Variants in CAST observed in about 807,000 individuals in gnomAD.
CAST encodes the protein MIR583 host.
Under a neutral mutation model 119.6 loss-of-function variants are expected in CAST, and 76 were observed. The observed-to-expected ratio is 0.64, with a 90% confidence interval of 0.53 to 0.77. The LOEUF (loss-of-function observed/expected upper bound fraction) is 0.77. CAST is among the 30% of genes least tolerant of loss of function. CAST has a pLI of 0.00. For missense variants in CAST, 953 were observed against 946.5 expected (o/e 1.01, Z -0.09); for synonymous variants, 319 against 331.6 (o/e 0.96, Z 0.41).
the CAST span, among the ~76,000 whole-genome samples, chr5:96,097,329 CTT>C: frequency 3.9e-3 from 533 of 137,270 alleles, 2 homozygotes; most frequent in African/African-American, 5.1e-3. Context: ...AGCTCAAAGT[CTT>C]TTTTTTTTTT....
intron 20 of CAST, among the ~76,000 whole-genome samples, chr5:96,752,855 C>G (rs1013613382): frequency 2.6e-5 from 4 of 151,468 alleles, no homozygotes. Flanking sequence ...TTTGTTTGAC[C>G]AAGACCAACA....
the CAST span, among the ~76,000 whole-genome samples, chr5:96,104,042 G>A: frequency 3.9e-5 from 6 of 152,190 alleles, no homozygotes; most frequent in African/African-American, 1.4e-4. Context: ...CTTTTGAGAA[G>A]TGTCTGTTCA....
At chr5:96,239,458 G>A in the CAST span, among the ~76,000 whole-genome samples, 1 of 151,922 alleles carries the variant, frequency 6.6e-6, no homozygotes, top group Admixed American at 6.6e-5. Flanking sequence ...GGCTTTTTTG[G>A]GGGGAGTATA....
the CAST span, among the ~76,000 whole-genome samples, chr5:96,378,711 G>C: frequency 3.4e-3 from 514 of 152,038 alleles, 1 homozygote; most frequent in Middle Eastern, 0.01. Context: ...ACTGCAAATT[G>C]CCGTAAAGAA....
At chr5:96,737,166 T>C (rs761903849) in intron 10 of CAST, among the ~76,000 whole-genome samples, 5 of 152,146 alleles carry the variant, frequency 3.3e-5, no homozygotes, top group Admixed American at 6.5e-5. Context: ...GGGATTACAA[T>C]TGGAGTTGAG....
At position 96,754,132 on chromosome 5, in the gene CAST, G is replaced by A. The variant is rs200645589; in HGVS notation, c.1597G>A (p.Asp533Asn). 34 of 1,612,738 alleles carry A rather than the reference G, an allele frequency of 2.1e-5. No homozygotes were observed. Among genetic ancestry groups the A allele is most frequent in the Non-Finnish European group, 2.7e-5 (32 of 1,178,820 alleles). ...GGGGAAAAAGGAAGCAGATCCAGAA[G>A]ATGGAAAACCTGTGATGGATAAAGT... ...SLGKKEADPE[D>N]GKPVMDKVKE... is the part of the protein sequence containing the mutation. Residue 533 changes from aspartate to asparagine, a missense_variant, in exon 21 of 32, where the codon GAT becomes AAT. Transcript: ENST00000675179.
the CAST span, among the ~76,000 whole-genome samples, chr5:95,977,951 C>A: frequency 3.3e-5 from 5 of 151,854 alleles, no homozygotes; most frequent in African/African-American, 1.2e-4. Flanking sequence ...CCAGCTCCAT[C>A]CATGTTCCTG....
intron 29 of CAST, chr5:96,769,493 T>C (rs1192480130): frequency 1.3e-5 from 2 of 151,810 alleles, no homozygotes; most frequent in Admixed American, 6.6e-5. Context: ...ATATTTGAGG[T>C]TTACAACATG....
the CAST span, among the ~76,000 whole-genome samples, chr5:96,497,991 T>A: frequency 1.3e-5 from 2 of 152,254 alleles, no homozygotes; most frequent in Admixed American, 1.3e-4. Flanking sequence ...TTTTATGATT[T>A]TAGGTCTAAC....
the CAST span, among the ~76,000 whole-genome samples, chr5:96,098,081 G>A: frequency 6.6e-6 from 1 of 152,142 alleles, no homozygotes; most frequent in Non-Finnish European, 1.5e-5. Context: ...CTAATGATCA[G>A]TAATTTGAGC....
the CAST span, among the ~76,000 whole-genome samples, chr5:96,375,257 T>C: frequency 2.0e-5 from 3 of 152,206 alleles, no homozygotes; most frequent in Non-Finnish European, 4.4e-5. Context: ...GAAGTTGTTT[T>C]CTTGCTTAAA....
At chr5:96,622,148 T>G (rs754855692) in intron 1 of CAST, among the ~76,000 whole-genome samples, 8 of 151,842 alleles carry the variant, frequency 5.3e-5, no homozygotes, top group Non-Finnish European at 8.8e-5. Context: ...TTTTGTATTT[T>G]TAGTAGAGAC....
intron 1 of CAST, among the ~76,000 whole-genome samples, chr5:96,630,616 G>A (rs1219210727): frequency 7.2e-5 from 11 of 151,878 alleles, no homozygotes; most frequent in East Asian, 3.9e-4. Flanking sequence ...GTGAAACCTC[G>A]TCTCTACTAA....
At chr5:96,542,138 G>A (rs978826024) in intron 1 of CAST, among the ~76,000 whole-genome samples, 5 of 151,972 alleles carry the variant, frequency 3.3e-5, no homozygotes, top group African/African-American at 7.3e-5. Flanking sequence ...GTGAAACCCC[G>A]TCTCTACTAA....
chr5:96,667,863 A>G (rs1375542022), intron 1 of CAST, among the ~76,000 whole-genome samples: 1 of 152,070 alleles, frequency 6.6e-6, no homozygotes, highest in East Asian at 1.9e-4. Flanking sequence ...AAATACAAAA[A>G]AATTAGCTGG....
At chr5:96,731,131 A>C (rs1409869799) in intron 9 of CAST, among the ~76,000 whole-genome samples, 1 of 152,238 alleles carries the variant, frequency 6.6e-6, no homozygotes, top group Non-Finnish European at 1.5e-5. Context: ...GAGTTGACTC[A>C]GACTCTCCCT....
the CAST span, among the ~76,000 whole-genome samples, chr5:96,022,269 G>A: frequency 4.6e-5 from 7 of 152,130 alleles, no homozygotes; most frequent in East Asian, 1.4e-3. Context: ...ATACATAGAT[G>A]CCCAAATATA....
the CAST span, among the ~76,000 whole-genome samples, chr5:96,517,910 T>C: frequency 6.6e-6 from 1 of 152,238 alleles, no homozygotes; most frequent in Non-Finnish European, 1.5e-5. Flanking sequence ...AAGCCCTTTG[T>C]GAATATTATG....
the CAST span, among the ~76,000 whole-genome samples, chr5:96,285,595 AAG>A: frequency 6.6e-6 from 1 of 152,218 alleles, no homozygotes; most frequent in Admixed American, 6.5e-5. Flanking sequence ...CCCCTTGAAA[AAG>A]AGAGAAACTT....
Sources: allele counts gnomAD v4.1 joint callset (sites outside exome capture counted in the v4.1 genomes callset), GRCh38; gene constraint gnomAD v4.1.1; transcripts MANE v1.5; gene names NCBI Gene and HGNC (gene_info 2026-07-23, HGNC 2026-07-21).